AUTS2: variants seen among roughly 807,000 people sequenced by gnomAD.
AUTS2 encodes autism susceptibility gene 2 protein.
In AUTS2, 17 loss-of-function variants were observed where a neutral mutation model predicts 112.4. The observed-to-expected ratio is 0.15, with a 90% CI of 0.10 to 0.23. The LOEUF is 0.23. Among genes scored for constraint, AUTS2 ranks in the 10% least tolerant of loss-of-function variants. The probability of loss-of-function intolerance (pLI) is 1.00; values close to 1 mark genes in which losing one functional copy is unlikely to be tolerated. For missense variants in AUTS2, 1,510 were observed against 1,701.6 expected (o/e 0.89, Z 1.98); for synonymous variants, 751 against 702.7 (o/e 1.07, Z -1.09).
chr7:70,041,252 T>C (rs755161855), intron 2 of AUTS2, among the ~76,000 whole-genome samples: 5 of 152,136 alleles, frequency 3.3e-5, no homozygotes, highest in Non-Finnish European at 7.4e-5. Context: ...AACTTCATAC[T>C]CTCTTAAAAA....
At chr7:70,115,182 T>A (rs1455977757) in intron 2 of AUTS2, among the ~76,000 whole-genome samples, 3 of 152,172 alleles carry the variant, frequency 2.0e-5, no homozygotes, top group African/African-American at 7.2e-5. Flanking sequence ...CTTGGTAAAG[T>A]CATCATTTTC....
At chr7:69,652,250 G>A (rs1179374753) in intron 1 of AUTS2, among the ~76,000 whole-genome samples, 2 of 151,800 alleles carry the variant, frequency 1.3e-5, no homozygotes, top group East Asian at 3.9e-4. Context: ...ATTGGTTTGG[G>A]GCAAGTTAAT....
At chr7:70,608,618 C>A (rs751494855) in intron 5 of AUTS2, among the ~76,000 whole-genome samples, 1 of 152,182 alleles carries the variant, frequency 6.6e-6, no homozygotes, top group Non-Finnish European at 1.5e-5. Context: ...CGATGAACCA[C>A]CCTGATGAAA....
intron 4 of AUTS2, among the ~76,000 whole-genome samples, chr7:70,376,209 C>T (rs911081964): frequency 2.0e-5 from 3 of 152,046 alleles, no homozygotes; most frequent in South Asian, 2.1e-4. Context: ...AAAATGTTTC[C>T]GTGTGAACAT....
chr7:70,266,557 G>C (rs1197074628), intron 4 of AUTS2, among the ~76,000 whole-genome samples: 1 of 152,116 alleles, frequency 6.6e-6, no homozygotes, highest in Non-Finnish European at 1.5e-5. Flanking sequence ...TAATCCAGTG[G>C]GGTCTGATGG....
At chr7:69,940,691 C>CT (rs1316835415) in intron 2 of AUTS2, among the ~76,000 whole-genome samples, 1 of 152,132 alleles carries the variant, frequency 6.6e-6, no homozygotes, top group African/African-American at 2.4e-5. Flanking sequence ...AGTGATGTGT[C>CT]TAAGTCATAG....
At chr7:70,316,639 T>TCCA (rs1389773916) in intron 4 of AUTS2, among the ~76,000 whole-genome samples, 1 of 152,044 alleles carries the variant, frequency 6.6e-6, no homozygotes, top group Non-Finnish European at 1.5e-5. Context: ...CCTCAAGTGA[T>TCCA]CCACCCACCT....
intron 5 of AUTS2, among the ~76,000 whole-genome samples, chr7:70,696,278 AC>A (rs1809093891): frequency 1.3e-5 from 2 of 152,128 alleles, no homozygotes; most frequent in Admixed American, 6.5e-5. Context: ...CACAGTTGTA[AC>A]CACCTGGATA....
At chr7:70,718,696 A>G (rs906015654) in intron 6 of AUTS2, among the ~76,000 whole-genome samples, 5 of 152,160 alleles carry the variant, frequency 3.3e-5, no homozygotes, top group African/African-American at 9.6e-5. Context: ...AAAAAACCCA[A>G]TAACACAGAA....
At chr7:69,616,387 C>G (rs898082856) in intron 1 of AUTS2, among the ~76,000 whole-genome samples, 1 of 152,138 alleles carries the variant, frequency 6.6e-6, no homozygotes, top group African/African-American at 2.4e-5. Context: ...TTCCTTTCCC[C>G]TCTTAGAAGC....
intron 4 of AUTS2, among the ~76,000 whole-genome samples, chr7:70,228,454 C>G (rs1160127506): frequency 1.3e-5 from 2 of 150,850 alleles, no homozygotes; most frequent in African/African-American, 4.9e-5. Context: ...ATTTATGTCT[C>G]CATTTTGATT....
At chr7:70,042,738 A>T (rs539477044) in intron 2 of AUTS2, among the ~76,000 whole-genome samples, 7 of 152,288 alleles carry the variant, frequency 4.6e-5, no homozygotes, top group African/African-American at 1.4e-4. Flanking sequence ...TTCTGCATGA[A>T]GTCTTTATGA....
intron 4 of AUTS2, among the ~76,000 whole-genome samples, chr7:70,273,000 T>C (rs1787763210): frequency 6.6e-6 from 1 of 152,174 alleles, no homozygotes; most frequent in African/African-American, 2.4e-5. Flanking sequence ...TGAGTTGAGT[T>C]CTGCTTCCTC....
At chr7:70,567,315 C>G (rs1282826694) in intron 5 of AUTS2, among the ~76,000 whole-genome samples, 5 of 152,154 alleles carry the variant, frequency 3.3e-5, no homozygotes, top group African/African-American at 1.2e-4. Flanking sequence ...ATACATTTGA[C>G]TTGATTGAAT....
chr7:70,605,365 A>G (rs894474447), intron 5 of AUTS2, among the ~76,000 whole-genome samples: 2 of 152,192 alleles, frequency 1.3e-5, no homozygotes, highest in African/African-American at 2.4e-5. Flanking sequence ...ATTCATGTTC[A>G]CAGGCTGACC....
At chr7:70,056,442 A>G (rs1428190567) in intron 2 of AUTS2, among the ~76,000 whole-genome samples, 1 of 151,986 alleles carries the variant, frequency 6.6e-6, no homozygotes, top group East Asian at 1.9e-4. Context: ...TCATTCCTCA[A>G]TACTTATTTC....
chr7:70,506,506 G>A (rs1798967857), intron 5 of AUTS2, among the ~76,000 whole-genome samples: 1 of 152,212 alleles, frequency 6.6e-6, no homozygotes, highest in Non-Finnish European at 1.5e-5. Flanking sequence ...GCCTATTACT[G>A]CCTCTCACTT....
intron 4 of AUTS2, among the ~76,000 whole-genome samples, chr7:70,159,542 T>G (rs1031789136): frequency 6.6e-6 from 1 of 152,148 alleles, no homozygotes; most frequent in Non-Finnish European, 1.5e-5. Context: ...ATAGTAGAAT[T>G]TAGATGTGTT....
intron 2 of AUTS2, among the ~76,000 whole-genome samples, chr7:70,067,094 C>A (rs118090101): frequency 2.6e-4 from 39 of 152,190 alleles, no homozygotes; most frequent in African/African-American, 8.9e-4. Context: ...AGAAAAAGTT[C>A]TTAGTGGGGA....
Sources: allele counts gnomAD v4.1 joint callset (sites outside exome capture counted in the v4.1 genomes callset), GRCh38; gene constraint gnomAD v4.1.1; transcripts MANE v1.5; gene names NCBI Gene and HGNC (gene_info 2026-07-23, HGNC 2026-07-21).